CACNA1S: variants seen among roughly 807,000 people sequenced by gnomAD.
CACNA1S encodes voltage-dependent L-type calcium channel subunit alpha-1S.
A neutral mutation model predicts 207.4 loss-of-function variants in CACNA1S; 126 were observed. That is an observed-to-expected ratio of 0.61 (90% confidence interval 0.53 to 0.70). The LOEUF (loss-of-function observed/expected upper bound fraction) is 0.70. CACNA1S is among the 30% of genes least tolerant of loss of function. The pLI is 0.00. For missense variants in CACNA1S, 2,349 were observed against 2,422.8 expected, an observed-to-expected ratio of 0.97 and a Z score of 0.64; for synonymous variants, 960 against 932.7, an observed-to-expected ratio of 1.03 and a Z score of -0.53.
At position 201,039,725 on chromosome 1, in the gene CACNA1S, A is replaced by T; in HGVS notation, c.*106T>A. The T allele has an allele frequency of 6.7e-7, 1 of 1,487,522 alleles. No homozygotes were observed. The highest frequency in any genetic ancestry group is 9.2e-7 in the Non-Finnish European group (1 of 1,081,768). The allele number at this position is 1,487,522 out of a possible 1,614,324, so 92.1% of individuals were successfully genotyped here. A position where few individuals can be genotyped will look rare whatever the true frequency, so the allele number is the denominator to read the frequency against. ...CCTCAGGCCATGCATCTAGCTGCTG[A>T]GAGGGAGGGAGGCTGCTGCGGTGGG... On this transcript the variant is annotated 3_prime_UTR_variant, in exon 44 of 44. Transcript: ENST00000362061.
chr1:201,074,312 C>T (rs1396669423), intron 14 of CACNA1S, among the ~76,000 whole-genome samples, 194 bp downstream of exon 14: 3 of 152,226 alleles, frequency 2.0e-5, no homozygotes, highest in Non-Finnish European at 4.4e-5. Flanking sequence ...AGAAGGCCAA[C>T]TTGTCTCTGT....
At chr1:201,077,626 C>G (rs1165795743) in intron 11 of CACNA1S, among the ~76,000 whole-genome samples, 4 of 152,130 alleles carry the variant, frequency 2.6e-5, no homozygotes, top group Non-Finnish European at 4.4e-5. Flanking sequence ...CTTCCTTTCT[C>G]TTTTCCACCA....
At chr1:201,068,848 GT>G (rs1340549527) in intron 19 of CACNA1S, among the ~76,000 whole-genome samples, 1 of 152,126 alleles carries the variant, frequency 6.6e-6, no homozygotes, top group Non-Finnish European at 1.5e-5. Flanking sequence ...CTCCAGCCTG[GT>G]GACAGAGTGA....
chr1:201,089,493 A>G (rs1662155665), intron 5 of CACNA1S, 30 bp from the exon 6 acceptor site: 2 of 1,606,142 alleles, frequency 1.2e-6, no homozygotes, highest in Non-Finnish European at 1.7e-6. Flanking sequence ...GGAACATCAG[A>G]CAACAGTAGT....
In CACNA1S at chr1:201,043,475, C is replaced by G. The variant is rs747560191; in HGVS notation, c.4854G>C (p.Leu1618=). The G allele has an allele frequency of 6.2e-7, 1 of 1,613,906 alleles. No homozygotes were observed. Among genetic ancestry groups the G allele is most frequent in the South Asian group, 1.1e-5 (1 of 91,058 alleles). Residue 1618 remains leucine (L), a synonymous_variant, in exon 40 of 44, where the codon CTG becomes CTC. Transcript: ENST00000362061. ...VDNFLERTNS[L]PPVMANQRPL... is the part of the protein sequence containing the mutation. The stretch of plus-strand genomic sequence containing the variant: ...GTCTCTGATTGGCCATGACGGGGGG[C>G]AGGGAGTTGGTCCTTTCCAGGAAGT...
chr1:201,052,929 G>T (rs1255834051), intron 31 of CACNA1S, among the ~76,000 whole-genome samples: 1 of 152,086 alleles, frequency 6.6e-6, no homozygotes, highest in Non-Finnish European at 1.5e-5. Context: ...GCTCTCAGGG[G>T]AGGGTAGACA....
In CACNA1S at chr1:201,077,991, C is replaced by T. The variant is rs140246559; in HGVS notation, c.1507G>A (p.Val503Met). Residue 503 changes from valine to methionine, a missense_variant, in exon 11 of 44, where the codon GTG (valine) becomes ATG (methionine). Coordinates refer to ENST00000362061, the MANE Select transcript of CACNA1S (RefSeq NM_000069.3). Reference protein sequence around the residue: ...MSIFNRFDCFVVCSGILEILL... With the variant: ...MSIFNRFDCFMVCSGILEILL... ...ATCTCCAGGATACCGCTACACACCA[C>T]GAAGCAGTCGAAGCGGTTGAAGATA... 51 of 1,614,020 alleles carry T rather than the reference C, an allele frequency of 3.2e-5. No homozygotes were observed. The highest frequency in any genetic ancestry group is 5.0e-5 in the Admixed American group (3 of 60,010).
At chr1:201,073,430 C>T in intron 15 of CACNA1S, 119 bp downstream of exon 15, 1 of 844,652 alleles carries the variant, frequency 1.2e-6, no homozygotes, top group Non-Finnish European at 2.1e-6. Context: ...GATGCCCTCA[C>T]CTGGCTGATA....
At chr1:201,085,143 G>C in intron 8 of CACNA1S, 112 bp from the exon 9 acceptor site, 1 of 821,580 alleles carries the variant, frequency 1.2e-6, no homozygotes, top group South Asian at 1.4e-5. Context: ...CTGCAACAAT[G>C]GGTCCTAGGT....
At chr1:201,064,048 C>T (rs994843129) in intron 22 of CACNA1S, among the ~76,000 whole-genome samples, 3 of 152,104 alleles carry the variant, frequency 2.0e-5, no homozygotes, top group African/African-American at 4.8e-5. Flanking sequence ...AAAAGCATGG[C>T]GAGAGTTGGG....
intron 9 of CACNA1S, among the ~76,000 whole-genome samples, chr1:201,084,286 A>C (rs901413488): frequency 2.0e-5 from 3 of 152,258 alleles, no homozygotes; most frequent in Admixed American, 1.3e-4. Flanking sequence ...CAAAACAAAA[A>C]CAAAAAAATC....
intron 2 of CACNA1S, among the ~76,000 whole-genome samples, chr1:201,107,465 GTAA>G (rs1662935473): frequency 6.6e-6 from 1 of 152,224 alleles, no homozygotes; most frequent in Non-Finnish European, 1.5e-5. Flanking sequence ...TTTAATCCAT[GTAA>G]TGAAGCTCTG....
At chr1:201,054,476 C>A in intron 29 of CACNA1S, 29 bp downstream of exon 29, 1 of 1,609,756 alleles carries the variant, frequency 6.2e-7, no homozygotes, top group Non-Finnish European at 8.5e-7. Flanking sequence ...GGTGAGCGTG[C>A]CAGGCAGGCT....
At position 201,093,800 on chromosome 1, in the gene CACNA1S, C is replaced by G. The variant is rs1381490545; in HGVS notation, c.398+82G>C. On this transcript the variant is annotated intron_variant, in intron 3 of 43. Transcript: ENST00000362061. Reference sequence around the variant, plus strand: ...ACAATGCTGGAGTCCCACCCCACCTCTAAGATGCTGGTGGTGGTGGCAGTG... The same window carrying G: ...ACAATGCTGGAGTCCCACCCCACCTGTAAGATGCTGGTGGTGGTGGCAGTG... The G allele has an allele frequency of 1.3e-5, 20 of 1,545,612 alleles. 1 individual carries two copies. In the East Asian group the frequency reaches 4.5e-4, roughly 35 times the overall value.
chr1:201,049,154 C>A (rs897325291), intron 34 of CACNA1S, 55 bp from the exon 35 acceptor site: 3 of 1,263,364 alleles, frequency 2.4e-6, no homozygotes, highest in Non-Finnish European at 2.3e-6. Flanking sequence ...CTGCCAGAAC[C>A]TTTCTGCTCA....
rs28453266 is a variant in CACNA1S at position 201,053,691 on chromosome 1, T to C, written c.3667-104A>G. 183 of 1,246,960 alleles carry C rather than the reference T, an allele frequency of 1.5e-4. No individual in the cohort carries two copies. Among genetic ancestry groups the C allele is most frequent in the Non-Finnish European group, 2.0e-4 (178 of 891,210 alleles). The allele number at this position is 1,246,960 out of a possible 1,614,324, so 77.2% of individuals were successfully genotyped here. Reference sequence around the variant, plus strand: ...ACTGTGTGTTTTGGGGAGATGTTTGTGGCATGGAGGAACTCCAGCCCCGCC... The same window carrying C: ...ACTGTGTGTTTTGGGGAGATGTTTGCGGCATGGAGGAACTCCAGCCCCGCC... On this transcript the variant is annotated intron_variant, in intron 29 of 43. Transcript: ENST00000362061. The surrounding 1 kb of genome is among the most constrained non-coding windows in gnomAD (Gnocchi z 5.1).
intron 5 of CACNA1S, 85 bp downstream of exon 5, chr1:201,091,555 C>T (rs763832950): frequency 7.1e-5 from 106 of 1,484,206 alleles, no homozygotes; most frequent in Admixed American, 1.0e-4. Flanking sequence ...GGCTGAGCTC[C>T]GGGCTCCTTC....
At chr1:201,084,569 G>C (rs182046353) in intron 9 of CACNA1S, among the ~76,000 whole-genome samples, 284 of 152,282 alleles carry the variant, frequency 1.9e-3, no homozygotes, top group African/African-American at 6.4e-3. Flanking sequence ...AGGGGCTCCC[G>C]GTTTGTGCAG....
rs776125812 is a variant in CACNA1S at position 201,093,847 on chromosome 1, G to A, written c.398+35C>T. The A allele has an allele frequency of 2.5e-6, 4 of 1,612,810 alleles. No homozygotes were observed. In the East Asian group the frequency reaches 6.7e-5, roughly 27 times the overall value. The stretch of plus-strand genomic sequence containing the variant: ...AGTGGGCACACAGTCCTCAGCGAGG[G>A]TCTGACCTTCAGTCTCCCCACACCC... On this transcript the variant is annotated intron_variant, in intron 3 of 43. Transcript: ENST00000362061.
Sources: allele counts gnomAD v4.1 joint callset (sites outside exome capture counted in the v4.1 genomes callset), GRCh38; gene constraint gnomAD v4.1.1; non-coding constraint Gnocchi (gnomAD v3.1); transcripts MANE v1.5; gene names NCBI Gene and HGNC (gene_info 2026-07-23, HGNC 2026-07-21).